Variants in GABRG2 observed in about 807,000 individuals in gnomAD.
GABRG2 encodes the protein gamma-aminobutyric acid type A receptor subunit gamma2.
Under a neutral mutation model 56.4 loss-of-function variants are expected in GABRG2, and 16 were observed. The ratio of observed to expected loss-of-function variants is 0.28; its 90% CI spans 0.19 to 0.43. The LOEUF is 0.43. Among genes scored for constraint, GABRG2 ranks in the 20% least tolerant of loss-of-function variants. The pLI, the probability that GABRG2 is intolerant of heterozygous loss-of-function variation, is 1.00. For synonymous variants in GABRG2, 208 were observed against 205.5 expected, an observed-to-expected ratio of 1.01 and a Z score of -0.10; for missense variants, 327 against 582.7, an observed-to-expected ratio of 0.56 and a Z score of 4.52.
At chr5:162,092,694 C>T (rs1430592136) in intron 1 of GABRG2, among the ~76,000 whole-genome samples, 1 of 151,916 alleles carries the variant, frequency 6.6e-6, no homozygotes, top group Non-Finnish European at 1.5e-5. Flanking sequence ...TGAATATATA[C>T]ATTTATTTAT....
At chr5:162,092,974 G>A (rs28693828) in intron 1 of GABRG2, among the ~76,000 whole-genome samples, 5,263 of 152,174 alleles carry the variant, frequency 0.035, 308 homozygotes, top group African/African-American at 0.12. Flanking sequence ...ACTTGGGTTA[G>A]GGGGAGAGGT....
At chr5:162,108,869 G>A (rs1486885214) in intron 6 of GABRG2, among the ~76,000 whole-genome samples, 2 of 152,094 alleles carry the variant, frequency 1.3e-5, no homozygotes, top group African/African-American at 2.4e-5. Flanking sequence ...TGATTTCTAT[G>A]TGCCACATTT....
At chr5:162,097,357 C>G (rs992249958) in intron 3 of GABRG2, among the ~76,000 whole-genome samples, 8 of 152,158 alleles carry the variant, frequency 5.3e-5, no homozygotes, top group African/African-American at 1.9e-4. Context: ...ACACAATGCT[C>G]TGCTCTATAG....
At chr5:162,116,235 AATCT>A (rs1041861243) in intron 6 of GABRG2, among the ~76,000 whole-genome samples, 9 of 147,764 alleles carry the variant, frequency 6.1e-5, no homozygotes, top group South Asian at 2.2e-4. Flanking sequence ...TCCATCTACC[AATCT>A]ATCTATCTAT....
chr5:162,111,425 G>A (rs1762245998), intron 6 of GABRG2, among the ~76,000 whole-genome samples: 1 of 152,080 alleles, frequency 6.6e-6, no homozygotes, highest in African/African-American at 2.4e-5. Flanking sequence ...TTAAGGGGCG[G>A]AGGGAGATGG....
At chr5:162,109,647 A>G (rs1762118998) in intron 6 of GABRG2, among the ~76,000 whole-genome samples, 1 of 151,808 alleles carries the variant, frequency 6.6e-6, no homozygotes, top group African/African-American at 2.4e-5. Context: ...ACTTGTGACA[A>G]TTACATTGAT....
At chr5:162,068,140 T>A (rs1386764794) in intron 1 of GABRG2, 34 bp downstream of exon 1, 5 of 1,496,728 alleles carry the variant, frequency 3.3e-6, no homozygotes, top group Non-Finnish European at 4.7e-6. Context: ...CGTTTTGTTC[T>A]GAAGAGGTGG....
At chr5:162,141,087 A>G (rs745522463) in intron 6 of GABRG2, among the ~76,000 whole-genome samples, 10 of 152,052 alleles carry the variant, frequency 6.6e-5, no homozygotes, top group Non-Finnish European at 1.5e-4. Flanking sequence ...CCCAGGCTGT[A>G]GTGCAGTGGC....
intron 1 of GABRG2, among the ~76,000 whole-genome samples, chr5:162,071,752 A>T (rs1222167996): frequency 2.0e-5 from 3 of 151,952 alleles, no homozygotes; most frequent in South Asian, 2.1e-4. Flanking sequence ...TAAATGCCCC[A>T]TCTGGTATCC....
rs775906836 is a variant in GABRG2, at chr5:162,149,358, C to A, written c.1128+45C>A. The A allele has an allele frequency of 2.5e-6, 4 of 1,591,594 alleles. No individual in the cohort carries two copies. In the African/African-American group the frequency reaches 5.4e-5, roughly 21 times the overall value. On this transcript the variant is annotated intron_variant, in intron 8 of 9. Transcript: ENST00000639213. ...GGCACCATTGAAATTTTTATGATTT[C>A]GGTTTAGTTTGTTTTCATTAGCCTA... is the stretch of plus-strand genomic sequence containing the variant.
chr5:162,087,042 G>T (rs2113243837), intron 1 of GABRG2, among the ~76,000 whole-genome samples: 1 of 152,138 alleles, frequency 6.6e-6, no homozygotes, highest in Admixed American at 6.6e-5. Context: ...CAGCAGTATA[G>T]AGTCCTAGTT....
intron 6 of GABRG2, among the ~76,000 whole-genome samples, chr5:162,126,119 G>A (rs187449501): frequency 5.9e-5 from 9 of 152,004 alleles, no homozygotes; most frequent in South Asian, 2.1e-4. Flanking sequence ...GAATTAATAC[G>A]AAAGATGTGG....
At chr5:162,084,834 C>A (rs183502219) in intron 1 of GABRG2, among the ~76,000 whole-genome samples, 1 of 151,970 alleles carries the variant, frequency 6.6e-6, no homozygotes, top group African/African-American at 2.4e-5. Context: ...TAGAACATGG[C>A]AAGAAATGCA....
At chr5:162,140,313 A>G (rs1057265856) in intron 6 of GABRG2, among the ~76,000 whole-genome samples, 2 of 152,198 alleles carry the variant, frequency 1.3e-5, no homozygotes, top group African/African-American at 2.4e-5. Context: ...CTGTATGCCA[A>G]TCTAACAAAA....
intron 6 of GABRG2, among the ~76,000 whole-genome samples, chr5:162,107,673 G>C (rs966589798): frequency 6.6e-6 from 1 of 152,160 alleles, no homozygotes; most frequent in Non-Finnish European, 1.5e-5. Flanking sequence ...TGCTAGAACA[G>C]ATTCTGGATC....
rs557460567 is a variant in GABRG2 at position 162,101,638 on chromosome 5, A to G, written c.631+321A>G. The G allele has an allele frequency of 1.1e-3, 367 of 338,012 alleles. 2 individuals are homozygous for G. The highest frequency in any genetic ancestry group is 7.1e-3 in the African/African-American group (331 of 46,708). The allele number at this position is 338,012 out of a possible 1,614,324, so 20.9% of individuals were successfully genotyped here. On this transcript the variant is annotated intron_variant, in intron 5 of 9. Coordinates refer to ENST00000639213, the MANE Select transcript of GABRG2 (RefSeq NM_198904.4). The stretch of plus-strand genomic sequence containing the variant: ...CCCTGGACTCAATAGAAAAGGTGCA[A>G]TCTTTAATTATATATCCTCTTCCTT...
chr5:162,142,758 G>A (rs1764673108), intron 7 of GABRG2: 1 of 293,688 alleles, frequency 3.4e-6, no homozygotes, highest in Admixed American at 4.8e-5. Context: ...GTGGGGTGGA[G>A]GGATTGGGGA....
At chr5:162,119,029 G>T (rs1762811550) in intron 6 of GABRG2, among the ~76,000 whole-genome samples, 2 of 152,088 alleles carry the variant, frequency 1.3e-5, no homozygotes, top group Non-Finnish European at 2.9e-5. Flanking sequence ...ATTTGAGAAT[G>T]CTGGACCCAG....
At position 162,153,261 on chromosome 5, in the gene GABRG2, A is replaced by G. The variant is rs761000541; in HGVS notation, c.1321A>G (p.Arg441Gly). The G allele has an allele frequency of 6.2e-7, 1 of 1,614,072 alleles. No individual in the cohort carries two copies. The change falls in exon 10 of 10, where the codon AGG (arginine) becomes GGG (glycine). Residue 441 changes from arginine (R) to glycine (G), a missense_variant. Arg to Gly is a moderately radical substitution (Grantham distance 125). Coordinates refer to ENST00000639213, the MANE Select transcript of GABRG2 (RefSeq NM_198904.4). ...DCRTGAWRHG[R>G]IHIRIAKMDS... The stretch of plus-strand genomic sequence containing the variant: ...TCGAACAGGAGCTTGGAGACATGGG[A>G]GGATACATATCCGCATTGCCAAAAT...
Sources: allele counts gnomAD v4.1 joint callset (sites outside exome capture counted in the v4.1 genomes callset), GRCh38; gene constraint gnomAD v4.1.1; transcripts MANE v1.5; gene names NCBI Gene and HGNC (gene_info 2026-07-23, HGNC 2026-07-21).